Variants in GLIS3 observed in about 807,000 individuals in gnomAD.
The protein encoded by GLIS3 is GLIS family zinc finger 3.
GLIS3 carries 53 observed loss-of-function variants against 78.6 expected under a neutral mutation model. The ratio of observed to expected loss-of-function variants is 0.67; its 90% CI spans 0.54 to 0.85. The LOEUF (loss-of-function observed/expected upper bound fraction) is 0.85, where lower values mean the gene tolerates loss of function less well. Among genes scored for constraint, GLIS3 ranks in the 40% least tolerant of loss-of-function variants. The pLI is 0.00. For missense variants in GLIS3, 1,703 were observed against 1,231.1 expected, an observed-to-expected ratio of 1.38 and a Z score of -5.74; for synonymous variants, 684 against 509.9, an observed-to-expected ratio of 1.34 and a Z score of -4.60.
chr9:4,361,876 T>A, the GLIS3 span, among the ~76,000 whole-genome samples: 1 of 152,236 alleles, frequency 6.6e-6, no homozygotes, highest in Admixed American at 6.5e-5. Context: ...GGGAGGGACC[T>A]TGTAAATTGA....
At chr9:3,869,916 A>G (rs1228742742) in intron 8 of GLIS3, among the ~76,000 whole-genome samples, 2 of 152,242 alleles carry the variant, frequency 1.3e-5, no homozygotes, top group African/African-American at 4.8e-5. Context: ...TGTGAGAGGC[A>G]GAGGAGAGGC....
chr9:4,389,435 T>C, the GLIS3 span, among the ~76,000 whole-genome samples: 1 of 152,158 alleles, frequency 6.6e-6, no homozygotes, highest in East Asian at 1.9e-4. Context: ...TTTGCCTGGA[T>C]ATCGCACAGT....
chr9:4,483,559 A>C, the GLIS3 span, among the ~76,000 whole-genome samples: 91 of 152,032 alleles, frequency 6.0e-4, no homozygotes, highest in Non-Finnish European at 3.8e-4. Flanking sequence ...CTCTACTAAA[A>C]ATTCAAAAAA....
intron 6 of GLIS3, among the ~76,000 whole-genome samples, chr9:3,929,059 C>A (rs939863009): frequency 6.6e-6 from 1 of 152,176 alleles, no homozygotes; most frequent in African/African-American, 2.4e-5. Context: ...ATTTCACTTA[C>A]TCATTATCAG....
chr9:4,187,301 C>G (rs1339370185), intron 2 of GLIS3, among the ~76,000 whole-genome samples: 5 of 152,078 alleles, frequency 3.3e-5, no homozygotes, highest in South Asian at 4.1e-4. Flanking sequence ...AGATCAGATA[C>G]TTGTAGATAT....
Position 4,183,770 on chromosome 9 carries a change from T to C in GLIS3, c.389-57829A>G, listed in dbSNP as rs74684550. On this transcript the variant is annotated intron_variant, in intron 2 of 10. Coordinates refer to ENST00000381971, the MANE Select transcript of GLIS3 (RefSeq NM_001042413.2). ...ACAACTGATTAAAGAGTTCTTTCTA[T>C]TTCTTACTGCCTGGTCATGATTCTG... Among the ~76,000 whole-genome samples, 496 of 152,368 alleles carry C rather than the reference T, an allele frequency of 3.3e-3. 5 individuals carry two copies. In the East Asian group the frequency reaches 0.052, roughly 16 times the overall value.
At chr9:4,420,293 T>C in the GLIS3 span, among the ~76,000 whole-genome samples, 1 of 152,172 alleles carries the variant, frequency 6.6e-6, no homozygotes, top group Non-Finnish European at 1.5e-5. Context: ...TTAAGGAGTT[T>C]AAAAAGAGGG....
At chr9:4,052,339 T>C (rs1825803617) in intron 4 of GLIS3, among the ~76,000 whole-genome samples, 1 of 152,328 alleles carries the variant, frequency 6.6e-6, no homozygotes, top group South Asian at 2.1e-4. Context: ...GTAAAATTCA[T>C]GTTAACATTT....
At chr9:3,985,763 G>A (rs965713633) in intron 4 of GLIS3, among the ~76,000 whole-genome samples, 2 of 152,222 alleles carry the variant, frequency 1.3e-5, no homozygotes, top group African/African-American at 4.8e-5. Flanking sequence ...TTTCTCATAT[G>A]CAACATTCAA....
At chr9:3,882,889 G>A (rs948072100) in intron 7 of GLIS3, among the ~76,000 whole-genome samples, 1 of 152,114 alleles carries the variant, frequency 6.6e-6, no homozygotes, top group African/African-American at 2.4e-5. Context: ...TCTTACTTCT[G>A]GTGAGAAGGT....
At chr9:4,454,843 G>C in the GLIS3 span, among the ~76,000 whole-genome samples, 3 of 152,128 alleles carry the variant, frequency 2.0e-5, no homozygotes, top group Non-Finnish European at 4.4e-5. Context: ...CCCTGAAGTA[G>C]GGGATCTCAC....
chr9:4,380,442 C>T, the GLIS3 span, among the ~76,000 whole-genome samples: 5 of 152,226 alleles, frequency 3.3e-5, no homozygotes, highest in South Asian at 4.2e-4. Flanking sequence ...TTGTTAACAA[C>T]AAAAATATTT....
At chr9:4,486,924 C>T in the GLIS3 span, among the ~76,000 whole-genome samples, 5 of 152,140 alleles carry the variant, frequency 3.3e-5, no homozygotes, top group Non-Finnish European at 5.9e-5. Flanking sequence ...TCTCAAACTC[C>T]TGGCTTCAAG....
intron 2 of GLIS3, among the ~76,000 whole-genome samples, chr9:4,235,247 C>T (rs10974405): frequency 0.057 from 8,075 of 142,810 alleles, 303 homozygotes; most frequent in African/African-American, 0.1. Context: ...TGCAGTGATC[C>T]GAGATTGCAC....
At chr9:4,012,233 C>T (rs1420788431) in intron 4 of GLIS3, among the ~76,000 whole-genome samples, 5 of 152,158 alleles carry the variant, frequency 3.3e-5, no homozygotes, top group African/African-American at 9.7e-5. Flanking sequence ...GATGTCTCTA[C>T]AGCAGGCACC....
chr9:4,374,045 C>T, the GLIS3 span, among the ~76,000 whole-genome samples: 2 of 152,206 alleles, frequency 1.3e-5, no homozygotes, highest in Admixed American at 6.5e-5. Context: ...CATTTCACAT[C>T]TTGCAACGAA....
At chr9:4,383,250 G>T in the GLIS3 span, among the ~76,000 whole-genome samples, 1 of 152,320 alleles carries the variant, frequency 6.6e-6, no homozygotes. Context: ...AACGCTTAAC[G>T]AATTTGCAAG....
chr9:3,932,835 A>G (rs1471977959), intron 5 of GLIS3: 1 of 432,966 alleles, frequency 2.3e-6, no homozygotes, highest in African/African-American at 2.0e-5. Context: ...ACTGTCAGAA[A>G]CTAGTAAACA....
At chr9:3,991,836 G>T (rs376251308) in intron 4 of GLIS3, among the ~76,000 whole-genome samples, 2 of 151,860 alleles carry the variant, frequency 1.3e-5, no homozygotes, top group Non-Finnish European at 2.9e-5. Context: ...GACTACAGGC[G>T]CCTGCAACCA....
Sources: gnomAD v4.1 joint callset for allele counts (sites outside exome capture counted in the v4.1 genomes callset) on GRCh38, gnomAD v4.1.1 for gene constraint, MANE v1.5 for transcripts, NCBI Gene and HGNC (gene_info 2026-07-23, HGNC 2026-07-21) for gene names.